The following TBCD variants were observed in gnomAD, a reference collection of about 807,000 sequenced individuals.
TBCD encodes tubulin folding cofactor D.
Under a neutral mutation model 169.3 loss-of-function variants are expected in TBCD, and 105 were observed. That is an observed-to-expected ratio of 0.62 (90% CI 0.53 to 0.73). TBCD has a LOEUF of 0.73. Ranked by LOEUF, TBCD falls within the 30% of genes least tolerant of loss-of-function variation. The pLI is 0.00. For synonymous variants in TBCD, 700 were observed against 643.9 expected, an observed-to-expected ratio of 1.09 and a Z score of -1.32; for missense variants, 1,444 against 1,600.1, an observed-to-expected ratio of 0.90 and a Z score of 1.66.
chr17:82,851,900 G>A (rs2055823177), intron 13 of TBCD, among the ~76,000 whole-genome samples: 1 of 152,186 alleles, frequency 6.6e-6, no homozygotes, highest in South Asian at 2.1e-4. Context: ...AGTTGACCCA[G>A]GTGGGAATAG....
Position 82,903,401 on chromosome 17 carries a change from T to C in TBCD, c.1731-4T>C. ...CACTTACGACATTCTCTCCTCACTC[T>C]CAGGGTCATCCGAGAGTTGGCTGCG... On this transcript the variant is annotated splice_polypyrimidine_tract_variant and splice_region_variant and intron_variant, in intron 18 of 38. Coordinates refer to ENST00000355528, the MANE Select transcript of TBCD (RefSeq NM_005993.5). This position sits in a 1 kb window ranked among gnomAD's most constrained non-coding sequence, Gnocchi z 4.8. The C allele has an allele frequency of 6.2e-7, 1 of 1,600,492 alleles. No individual in the cohort carries two copies. Among genetic ancestry groups the C allele is most frequent in the Non-Finnish European group, 8.5e-7 (1 of 1,173,576 alleles).
At chr17:82,816,604 G>T (rs1314006018) in intron 13 of TBCD, among the ~76,000 whole-genome samples, 1 of 151,720 alleles carries the variant, frequency 6.6e-6, no homozygotes, top group Admixed American at 6.6e-5. Context: ...TGCAATCTCT[G>T]CTCACTGTAA....
Position 82,915,579 on chromosome 17 carries a change from GGTTT to G in TBCD, c.2038+3793_2038+3796del, listed in dbSNP as rs1568031888. ...TTTAGTGAAGCAGCGATGAAGGAGGGGTTTGTCAGTCAGGGTGGACTGCGTTTTG... is the reference window on the plus strand; with the variant it reads ...TTTAGTGAAGCAGCGATGAAGGAGGGGTCAGTCAGGGTGGACTGCGTTTTG... On this transcript the variant is annotated intron_variant, in intron 23 of 38. Transcript: ENST00000355528. This position sits in a 1 kb window ranked among gnomAD's most constrained non-coding sequence, Gnocchi z 4.3. 6.6e-6 allele frequency among the ~76,000 whole-genome samples: 1 copy of G among 152,146 alleles called. No individual in the cohort carries two copies. Among genetic ancestry groups the G allele is most frequent in the Non-Finnish European group, 1.5e-5 (1 of 68,032 alleles).
chr17:82,859,486 C>T, intron 13 of TBCD: 1 of 934,698 alleles, frequency 1.1e-6, no homozygotes, highest in Non-Finnish European at 1.3e-6. Flanking sequence ...TCCCTACACT[C>T]ACACACTGGC....
chr17:82,901,591 G>A (rs1332144779), intron 18 of TBCD, among the ~76,000 whole-genome samples: 3 of 150,370 alleles, frequency 2.0e-5, no homozygotes, highest in Non-Finnish European at 4.4e-5. Flanking sequence ...TGGTCCTGCT[G>A]CCTGGGGAGC....
At chr17:82,849,157 A>C (rs1472401313) in intron 13 of TBCD, among the ~76,000 whole-genome samples, 3 of 63,424 alleles carry the variant, frequency 4.7e-5, no homozygotes. Flanking sequence ...CGTCTTCTCC[A>C]TCTCGATGTC....
chr17:82,933,617 CT>C (rs35966154), intron 34 of TBCD, among the ~76,000 whole-genome samples: 5 of 150,158 alleles, frequency 3.3e-5, no homozygotes, highest in African/African-American at 9.8e-5. Context: ...GGGGGCACTG[CT>C]TTTTTTTTGT....
rs570932351 is a variant in TBCD, at chr17:82,782,196, C to G, written c.771+475C>G. On this transcript the variant is annotated intron_variant, in intron 7 of 38. Coordinates refer to ENST00000355528, the MANE Select transcript of TBCD (RefSeq NM_005993.5). This position sits in a 1 kb window ranked among gnomAD's most constrained non-coding sequence, Gnocchi z 5.1. ...CCTGGTTAGTGCCCTGGCTGCAGCC[C>G]TTTGCCAGCCCTTTCCCTGCCCTTT... 8.5e-5 allele frequency among the ~76,000 whole-genome samples: 13 copies of G among 152,356 alleles called. No homozygotes were observed. The South Asian group carries it at 2.7e-3, about 32-fold the overall frequency.
chr17:82,890,731 C>T lies in TBCD; in HGVS notation c.1563+1034C>T, dbSNP rs535175282. 1.2e-4 allele frequency among the ~76,000 whole-genome samples: 18 copies of T among 152,216 alleles called. No individual in the cohort carries two copies. In the East Asian group the frequency reaches 2.7e-3, roughly 23 times the overall value. ...GGCCCACCCAGCATCCTTGGGGTGC[C>T]GTGGGGCCTGCATGTGTTCAGAGCC... On this transcript the variant is annotated intron_variant, in intron 16 of 38. Transcript: ENST00000355528. The surrounding 1 kb of genome is among the most constrained non-coding windows in gnomAD (Gnocchi z 5.3).
Position 82,923,869 on chromosome 17 carries a change from CG to C in TBCD, c.2260+139del. The C allele has an allele frequency of 1.4e-6, 1 of 704,936 alleles. No individual in the cohort carries two copies. The highest frequency in any genetic ancestry group is 2.3e-6 in the Non-Finnish European group (1 of 429,350). The allele number at this position is 704,936 out of a possible 1,614,324, so 43.7% of individuals were successfully genotyped here. On this transcript the variant is annotated intron_variant, in intron 26 of 38. Coordinates refer to ENST00000355528, the MANE Select transcript of TBCD (RefSeq NM_005993.5). This position sits in a 1 kb window ranked among gnomAD's most constrained non-coding sequence, Gnocchi z 4.6. ...CGATCATGGCTGGAGTGGGACTGTT[CG>C]GGTCTCAGGTTCCCAGCCGAGGAGC...
At chr17:82,912,546 G>A (rs1235028969) in intron 23 of TBCD, among the ~76,000 whole-genome samples, 2 of 152,196 alleles carry the variant, frequency 1.3e-5, no homozygotes, top group Non-Finnish European at 2.9e-5. Context: ...CCCATCCCAC[G>A]CCACCCTCAG....
intron 13 of TBCD, among the ~76,000 whole-genome samples, chr17:82,838,301 T>C (rs897567719): frequency 6.6e-6 from 1 of 151,754 alleles, no homozygotes; most frequent in African/African-American, 2.4e-5. Context: ...CTAAGGAGTT[T>C]GAACTTTGAA....
chr17:82,894,705 G>T (rs1343926136), intron 17 of TBCD, among the ~76,000 whole-genome samples: 1 of 152,144 alleles, frequency 6.6e-6, no homozygotes, highest in Non-Finnish European at 1.5e-5. Context: ...AAATCTACTG[G>T]CCCGATGCAG....
Position 82,768,497 on chromosome 17 carries a change from C to T in TBCD, c.513C>T (p.Asp171=), listed in dbSNP as rs753748524. ...TCCCTTTTGATTTTTCTCGCCTTGACGGGAACCTCCTCACCCAGCCTGGGC... is the reference window on the plus strand; with the variant it reads ...TCCCTTTTGATTTTTCTCGCCTTGATGGGAACCTCCTCACCCAGCCTGGGC... ...CLIPFDFSRL[D]GNLLTQPGQA... is the part of the protein sequence containing the mutation. Residue 171 remains aspartate (D), a synonymous_variant, in exon 5 of 39, where the codon GAC becomes GAT. Coordinates refer to ENST00000355528, the MANE Select transcript of TBCD (RefSeq NM_005993.5). 80 of 1,613,628 alleles carry T rather than the reference C, an allele frequency of 5.0e-5. No homozygotes were observed. The highest frequency in any genetic ancestry group is 1.2e-4 in the Admixed American group (7 of 59,972).
chr17:82,937,203 A>G, intron 34 of TBCD, 68 bp from the exon 35 acceptor site: 1 of 1,456,832 alleles, frequency 6.9e-7, no homozygotes, highest in Non-Finnish European at 9.6e-7. Context: ...CTTCTTTGAG[A>G]CAGAAAAAGT....
intron 6 of TBCD, among the ~76,000 whole-genome samples, chr17:82,773,204 C>T (rs1418022510): frequency 1.3e-5 from 2 of 152,180 alleles, no homozygotes; most frequent in African/African-American, 2.4e-5. Context: ...GTTGGGAATA[C>T]GGTCAGTGCC....
chr17:82,846,497 G>A (rs1031806319), intron 13 of TBCD, among the ~76,000 whole-genome samples: 1 of 151,458 alleles, frequency 6.6e-6, no homozygotes, highest in African/African-American at 2.4e-5. Context: ...GCTGCTGCAG[G>A]GCCCTGCTGT....
chr17:82,944,058 G>A lies in TBCD; in HGVS notation c.*1595G>A, dbSNP rs2099287182. ...TGCTGGCCTGGGATGCACTGAGGAT[G>A]GAAGGAACAAGTGGCTTCTGAGAAA... On this transcript the variant is annotated 3_prime_UTR_variant, in exon 39 of 39. Coordinates refer to ENST00000355528, the MANE Select transcript of TBCD (RefSeq NM_005993.5). The A allele has an allele frequency of 6.6e-6, 1 of 152,264 alleles. No homozygotes were observed. The highest frequency in any genetic ancestry group is 1.5e-5 in the Non-Finnish European group (1 of 68,050). 9.4% of individuals were successfully genotyped at this position (152,264 alleles called of 1,614,324 possible).
intron 7 of TBCD, among the ~76,000 whole-genome samples, chr17:82,791,402 A>AAT (rs1222143600): frequency 6.6e-6 from 1 of 150,770 alleles, no homozygotes; most frequent in Non-Finnish European, 1.5e-5. Context: ...TGGATCATTA[A>AAT]CCTCTTTTCT....
Sources: gnomAD v4.1 joint callset for allele counts (sites outside exome capture counted in the v4.1 genomes callset) on GRCh38, gnomAD v4.1.1 for gene constraint, Gnocchi (gnomAD v3.1) non-coding constraint, MANE v1.5 for transcripts, NCBI Gene and HGNC (gene_info 2026-07-23, HGNC 2026-07-21) for gene names.